The following ALPK2 variants were observed in gnomAD, a reference collection of about 807,000 sequenced individuals.
ALPK2 encodes alpha kinase 2, also known as alpha-protein kinase 2.
In ALPK2, 127 loss-of-function variants were observed where a neutral mutation model predicts 163.1. The ratio of observed to expected loss-of-function variants is 0.78; its 90% CI spans 0.67 to 0.90. ALPK2 has a LOEUF of 0.90. Ranked by LOEUF, ALPK2 falls within the 40% of genes least tolerant of loss-of-function variation. The pLI is 0.00. For synonymous variants in ALPK2, 953 were observed against 959.1 expected, an observed-to-expected ratio of 0.99 and a Z score of 0.12; for missense variants, 2,360 against 2,589.6, an observed-to-expected ratio of 0.91 and a Z score of 1.92.
chr18:58,537,113 A>G lies in ALPK2; in HGVS notation c.3074T>C (p.Val1025Ala). 6.2e-7 allele frequency: 1 copy of G among 1,614,154 alleles called. No homozygotes were observed. ...TGCATGCTTGTCCTCAGGAATTGAC[A>G]CAGCAAGGTATTTGGCTGGGTGGAC... is the stretch of plus-strand genomic sequence containing the variant. ...TEVHPAKYLA[V>A]SIPEDKHAGG... Residue 1025 changes from valine to alanine, a missense_variant, in exon 5 of 13, where the codon GTG (valine) becomes GCG (alanine). Transcript: ENST00000361673.
intron 1 of ALPK2, among the ~76,000 whole-genome samples, chr18:58,625,102 A>T (rs546668032): frequency 1.3e-5 from 2 of 151,700 alleles, no homozygotes; most frequent in South Asian, 4.2e-4. Flanking sequence ...TTCCATCTCA[A>T]TCTGTTCAGA....
At chr18:58,589,424 AG>A (rs2052004114) in intron 3 of ALPK2, among the ~76,000 whole-genome samples, 1 of 152,204 alleles carries the variant, frequency 6.6e-6, no homozygotes, top group Non-Finnish European at 1.5e-5. Flanking sequence ...TTTGGGAACA[AG>A]GGTTAAAAAT....
At chr18:58,576,542 A>G (rs191067841) in intron 4 of ALPK2, among the ~76,000 whole-genome samples, 2 of 152,278 alleles carry the variant, frequency 1.3e-5, no homozygotes, top group South Asian at 2.1e-4. Flanking sequence ...TTTTGTGAAC[A>G]GTATTATTTT....
Position 58,538,003 on chromosome 18 carries a change from G to A in ALPK2, c.2184C>T (p.Asn728=), listed in dbSNP as rs757766279. The A allele has an allele frequency of 1.2e-6, 2 of 1,614,222 alleles. No homozygotes were observed. Among genetic ancestry groups the A allele is most frequent in the Non-Finnish European group, 1.7e-6 (2 of 1,180,024 alleles). Residue 728 remains asparagine (N), a synonymous_variant, in exon 5 of 13, where the codon AAC becomes AAT. Coordinates refer to ENST00000361673, the MANE Select transcript of ALPK2 (RefSeq NM_052947.4). Reference sequence around the variant, plus strand: ...GGTCTTCCCTGAAATTGTCAGGTATGTTGCCATCTCTGTCTTGTTTTTCTT... The same window carrying A: ...GGTCTTCCCTGAAATTGTCAGGTATATTGCCATCTCTGTCTTGTTTTTCTT... ...QHEEKQDRDG[N]IPDNFREDLK...
At chr18:58,506,037 C>T (rs1245475419) in intron 10 of ALPK2, among the ~76,000 whole-genome samples, 1 of 152,158 alleles carries the variant, frequency 6.6e-6, no homozygotes, top group East Asian at 1.9e-4. Context: ...TAGCGACTTC[C>T]TTGCTTTAAA....
At chr18:58,589,017 A>T (rs2052001881) in intron 3 of ALPK2, among the ~76,000 whole-genome samples, 1 of 152,166 alleles carries the variant, frequency 6.6e-6, no homozygotes. Context: ...AGGATCCCTA[A>T]AAAGGTGTTA....
chr18:58,500,085 T>A, intron 11 of ALPK2, among the ~76,000 whole-genome samples: 1 of 152,274 alleles, frequency 6.6e-6, no homozygotes, highest in South Asian at 2.1e-4. Context: ...ACCTGTGAGC[T>A]AAATTAGACA....
intron 1 of ALPK2, among the ~76,000 whole-genome samples, chr18:58,619,584 A>C (rs536253150): frequency 1.3e-5 from 2 of 152,378 alleles, no homozygotes; most frequent in South Asian, 2.1e-4. Context: ...TTAGAATTAG[A>C]GATAAATTGT....
intron 10 of ALPK2, among the ~76,000 whole-genome samples, chr18:58,510,946 G>A (rs1168915195): frequency 3.3e-5 from 5 of 152,304 alleles, no homozygotes; most frequent in Admixed American, 3.3e-4. Context: ...GTGAGAGAGG[G>A]CGTCCCTGTC....
chr18:58,502,599 G>C (rs2051438226), intron 11 of ALPK2, among the ~76,000 whole-genome samples: 2 of 152,180 alleles, frequency 1.3e-5, no homozygotes, highest in Non-Finnish European at 2.9e-5. Context: ...CCTCATCTGG[G>C]ACAATATCTG....
At chr18:58,544,054 G>A (rs2051705056) in intron 4 of ALPK2, among the ~76,000 whole-genome samples, 1 of 152,130 alleles carries the variant, frequency 6.6e-6, no homozygotes, top group Non-Finnish European at 1.5e-5. Context: ...CTAAGGGTAG[G>A]GACTCAGTTA....
chr18:58,566,350 T>A (rs1326162970), intron 4 of ALPK2: 1 of 152,192 alleles, frequency 6.6e-6, no homozygotes, highest in African/African-American at 2.4e-5. Context: ...TTTCCTCAGT[T>A]TGGTTTATCT....
At chr18:58,573,344 A>ATGTATATATATATGTGTG (rs1429220586) in intron 4 of ALPK2, among the ~76,000 whole-genome samples, 3 of 108,564 alleles carry the variant, frequency 2.8e-5, no homozygotes, top group Admixed American at 1.8e-4. Context: ...GTGTATATAT[A>ATGTATATATATATGTGTG]TGTATATATA....
chr18:58,481,772 C>A lies in ALPK2; in HGVS notation c.*51G>T. ...TCTCCTGTGTGGCCTCAGATTTTCC[C>A]TGGCGAGATTGTGTGCTGCTAGCCA... On this transcript the variant is annotated 3_prime_UTR_variant, in exon 13 of 13. Transcript: ENST00000361673. 1 of 1,476,318 alleles carries A rather than the reference C, an allele frequency of 6.8e-7. No individual in the cohort carries two copies. The highest frequency in any genetic ancestry group is 1.2e-5 in the South Asian group (1 of 86,780). 91.5% of individuals were successfully genotyped at this position (1,476,318 alleles called of 1,614,324 possible). A position where few individuals can be genotyped will look rare whatever the true frequency, so the allele number is the denominator to read the frequency against.
rs926843697 is a variant in ALPK2 at position 58,487,858 on chromosome 18, C to CAAAACA, written c.6297-5825_6297-5820dup. Among the ~76,000 whole-genome samples the CAAAACA allele has an allele frequency of 5.3e-5, 7 of 131,248 alleles. No homozygotes were observed. The East Asian group carries it at 9.0e-4, about 17-fold the overall frequency. The allele number at this position is 131,248 out of a possible 152,430, so 86.1% of individuals were successfully genotyped here. A position where few individuals can be genotyped will look rare whatever the true frequency, so the allele number is the denominator to read the frequency against. On this transcript the variant is annotated intron_variant, in intron 12 of 12. Coordinates refer to ENST00000361673, the MANE Select transcript of ALPK2 (RefSeq NM_052947.4). ...GCAACATAACGAGACCCTATCTCTA[C>CAAAACA]AAAACAAAAACAAAAACAAAAAATA...
Position 58,537,230 on chromosome 18 carries a change from C to T in ALPK2, c.2957G>A (p.Trp986Ter). The change falls in exon 5 of 13, where the codon TGG (tryptophan) becomes TAG (stop). Residue 986 changes from tryptophan to a stop codon, truncating the protein, a stop_gained. Transcript: ENST00000361673. LOFTEE classifies it high-confidence loss of function. The stretch of plus-strand genomic sequence containing the variant: ...AGCAGTTAATGTTGTTGGCTTCTCC[C>T]AAGGAAAACTCACAATTGAACTATA... ...ASYSSIVSFP[W>*]EKPTTLTANN... 6.2e-7 allele frequency: 1 copy of T among 1,614,178 alleles called. No individual in the cohort carries two copies. The highest frequency in any genetic ancestry group is 8.5e-7 in the Non-Finnish European group (1 of 1,180,014).
At chr18:58,515,543 C>T (rs2051516853) in intron 9 of ALPK2, among the ~76,000 whole-genome samples, 1 of 152,192 alleles carries the variant, frequency 6.6e-6, no homozygotes, top group Admixed American at 6.5e-5. Context: ...GCATCCTATG[C>T]TGTGGGGCTT....
At chr18:58,573,262 G>GTGTATATA (rs1194031754) in intron 4 of ALPK2, among the ~76,000 whole-genome samples, 11 of 132,580 alleles carry the variant, frequency 8.3e-5, no homozygotes, top group Non-Finnish European at 1.3e-4. Flanking sequence ...ATGTATATAT[G>GTGTATATA]TGTATATATA....
intron 12 of ALPK2, among the ~76,000 whole-genome samples, chr18:58,494,523 G>A (rs1025197809): frequency 9.2e-5 from 14 of 152,148 alleles, no homozygotes; most frequent in Admixed American, 6.5e-4. Context: ...TGCATGACTG[G>A]GGTGTCAGCA....
Sources: allele counts gnomAD v4.1 joint callset (sites outside exome capture counted in the v4.1 genomes callset), GRCh38; gene constraint gnomAD v4.1.1; transcripts MANE v1.5; gene names NCBI Gene and HGNC (gene_info 2026-07-23, HGNC 2026-07-21).